The following IGSF21 variants were observed in gnomAD, a reference collection of about 807,000 sequenced individuals.
IGSF21 encodes immunoglobulin superfamily member 21.
Under a neutral mutation model 46.8 loss-of-function variants are expected in IGSF21, and 28 were observed. The ratio of observed to expected loss-of-function variants is 0.60; its 90% CI spans 0.44 to 0.82. The LOEUF (loss-of-function observed/expected upper bound fraction) is 0.82. Among genes scored for constraint, IGSF21 ranks in the 40% least tolerant of loss-of-function variants. IGSF21 has a pLI of 0.00. For synonymous variants in IGSF21, 284 were observed against 273.6 expected (o/e 1.04, Z -0.38); for missense variants, 624 against 665.5 (o/e 0.94, Z 0.69).
At chr1:18,235,339 G>C (rs1269745754) in intron 2 of IGSF21, among the ~76,000 whole-genome samples, 1 of 152,182 alleles carries the variant, frequency 6.6e-6, no homozygotes, top group Non-Finnish European at 1.5e-5. Context: ...AAGAAGACAA[G>C]ATCCTGTGCT....
intron 4 of IGSF21, among the ~76,000 whole-genome samples, chr1:18,353,969 A>G (rs760268466): frequency 1.3e-5 from 2 of 152,232 alleles, no homozygotes; most frequent in African/African-American, 2.4e-5. Context: ...CTCCTATTGC[A>G]TGGCTGGTCG....
At chr1:18,367,444 C>A (rs76916302) in intron 6 of IGSF21, among the ~76,000 whole-genome samples, 1 of 151,956 alleles carries the variant, frequency 6.6e-6, no homozygotes, top group Non-Finnish European at 1.5e-5. Context: ...TTGTATGTAG[C>A]GGCGTTGAAA....
intron 1 of IGSF21, among the ~76,000 whole-genome samples, chr1:18,125,472 G>T (rs1474893328): frequency 6.6e-6 from 1 of 152,176 alleles, no homozygotes; most frequent in Non-Finnish European, 1.5e-5. Context: ...CGGCTACCTC[G>T]TTGGAAATTT....
At chr1:18,293,863 A>G (rs1157848662) in intron 3 of IGSF21, among the ~76,000 whole-genome samples, 2 of 152,156 alleles carry the variant, frequency 1.3e-5, no homozygotes, top group African/African-American at 4.8e-5. Context: ...ATTTCTAGCT[A>G]AGAAAGAAAC....
chr1:18,304,043 C>A (rs913057305), intron 3 of IGSF21, among the ~76,000 whole-genome samples: 2 of 151,808 alleles, frequency 1.3e-5, no homozygotes, highest in Non-Finnish European at 2.9e-5. Context: ...GCTGGACAGG[C>A]GGAGGTGGAG....
intron 1 of IGSF21, among the ~76,000 whole-genome samples, chr1:18,190,102 G>A (rs1394374981): frequency 1.3e-5 from 2 of 152,200 alleles, no homozygotes; most frequent in Admixed American, 6.5e-5. Context: ...GCCCTTGAAG[G>A]TCACCGCCAG....
intron 2 of IGSF21, among the ~76,000 whole-genome samples, chr1:18,269,877 C>T (rs1453804746): frequency 6.6e-6 from 1 of 152,196 alleles, no homozygotes; most frequent in Admixed American, 6.5e-5. Context: ...TAGGCAAGTC[C>T]TTTTCCCTCT....
intron 6 of IGSF21, among the ~76,000 whole-genome samples, chr1:18,367,581 C>T (rs1462220650): frequency 1.4e-5 from 2 of 143,364 alleles, no homozygotes; most frequent in Admixed American, 7.1e-5. Context: ...TACAATGGAC[C>T]TTTGATATTC....
Position 18,222,580 on chromosome 1 carries a change from C to T in IGSF21, c.71-5318C>T, listed in dbSNP as rs1235706169. 2.0e-5 allele frequency among the ~76,000 whole-genome samples: 3 copies of T among 152,162 alleles called. No individual in the cohort carries two copies. In the South Asian group the frequency reaches 6.2e-4, roughly 31 times the overall value. On this transcript the variant is annotated intron_variant, in intron 1 of 9. Coordinates refer to ENST00000251296, the MANE Select transcript of IGSF21 (RefSeq NM_032880.5). The stretch of plus-strand genomic sequence containing the variant: ...GACCCTGTGATTATTCCTGCATCCA[C>T]ATTACACATGGGGAAACTGAGTCCC...
chr1:18,239,208 CG>C (rs2084701514), intron 2 of IGSF21, among the ~76,000 whole-genome samples: 2 of 151,904 alleles, frequency 1.3e-5, no homozygotes, highest in South Asian at 4.1e-4. Context: ...CTTAACTTGT[CG>C]GAAAAGGATT....
chr1:18,216,866 T>C (rs1277346631), intron 1 of IGSF21, among the ~76,000 whole-genome samples: 1 of 152,148 alleles, frequency 6.6e-6, no homozygotes, highest in African/African-American at 2.4e-5. Flanking sequence ...TGTAATAATA[T>C]TTATTACAAT....
intron 6 of IGSF21, among the ~76,000 whole-genome samples, chr1:18,370,824 T>C (rs2086217223): frequency 6.6e-6 from 1 of 152,208 alleles, no homozygotes; most frequent in Admixed American, 6.5e-5. Flanking sequence ...TGTAAAAACC[T>C]ACACTACATT....
intron 1 of IGSF21, among the ~76,000 whole-genome samples, chr1:18,195,050 A>AC (rs1159860571): frequency 1.3e-5 from 2 of 152,196 alleles, no homozygotes; most frequent in Non-Finnish European, 2.9e-5. Context: ...TGGGTGGAAC[A>AC]GCCCCCATGA....
intron 2 of IGSF21, among the ~76,000 whole-genome samples, chr1:18,250,359 G>C (rs918411507): frequency 3.3e-5 from 5 of 151,872 alleles, no homozygotes; most frequent in African/African-American, 1.2e-4. Context: ...GACAGAGTAA[G>C]TGCTTTTGCA....
chr1:18,150,387 G>A (rs920850085), intron 1 of IGSF21, among the ~76,000 whole-genome samples: 1 of 148,496 alleles, frequency 6.7e-6, no homozygotes, highest in African/African-American at 2.5e-5. Flanking sequence ...CTTGTAACAA[G>A]GAGGATGGTG....
At chr1:18,165,264 G>T (rs1377223239) in intron 1 of IGSF21, among the ~76,000 whole-genome samples, 1 of 152,152 alleles carries the variant, frequency 6.6e-6, no homozygotes, top group Non-Finnish European at 1.5e-5. Flanking sequence ...CTGGATGCTG[G>T]AAGTCCAAGA....
chr1:18,253,806 C>T (rs1229377345), intron 2 of IGSF21, among the ~76,000 whole-genome samples: 1 of 152,040 alleles, frequency 6.6e-6, no homozygotes, highest in Non-Finnish European at 1.5e-5. Flanking sequence ...CAGAGAGAAG[C>T]CAAAAGAGAG....
At chr1:18,221,469 C>A (rs374197942) in intron 1 of IGSF21, among the ~76,000 whole-genome samples, 1 of 152,156 alleles carries the variant, frequency 6.6e-6, no homozygotes, top group Admixed American at 6.5e-5. Context: ...GGACACATCC[C>A]CTTGGAGCTG....
chr1:18,300,718 C>T (rs1035318672), intron 3 of IGSF21, among the ~76,000 whole-genome samples: 1 of 152,200 alleles, frequency 6.6e-6, no homozygotes, highest in African/African-American at 2.4e-5. Flanking sequence ...TTCTGTAGCT[C>T]CCTGGCCATG....
Sources: allele counts gnomAD v4.1 joint callset (sites outside exome capture counted in the v4.1 genomes callset), GRCh38; gene constraint gnomAD v4.1.1; transcripts MANE v1.5; gene names NCBI Gene and HGNC (gene_info 2026-07-23, HGNC 2026-07-21).